USP8: variants seen among roughly 807,000 people sequenced by gnomAD.
The protein encoded by USP8 is ubiquitin carboxyl-terminal hydrolase 8.
USP8 carries 27 observed loss-of-function variants against 130.0 expected under a neutral mutation model. That is an observed-to-expected ratio of 0.21 (90% CI 0.15 to 0.29). The LOEUF (loss-of-function observed/expected upper bound fraction) is 0.29. USP8 is among the 10% of genes least tolerant of loss of function. The pLI is 1.00. For synonymous variants in USP8, 392 were observed against 444.1 expected, an observed-to-expected ratio of 0.88 and a Z score of 1.48; for missense variants, 1,029 against 1,312.2, an observed-to-expected ratio of 0.78 and a Z score of 3.33.
chr15:50,467,053 G>T lies in USP8; in HGVS notation c.686+1862G>T. 3 of 596,188 alleles carry T rather than the reference G, an allele frequency of 5.0e-6. No homozygotes were observed. In the South Asian group the frequency reaches 9.9e-5, roughly 20 times the overall value. The allele number at this position is 596,188 out of a possible 1,614,324, so 36.9% of individuals were successfully genotyped here. On this transcript the variant is annotated intron_variant, in intron 7 of 19. Transcript: ENST00000307179. ...ATTGTTAAGCAGATTACTTCCATCA[G>T]TACTGAGCCAGGAGTTGAGGTGGAA...
intron 6 of USP8, chr15:50,463,429 G>A (rs1414316892): frequency 1.3e-5 from 2 of 152,206 alleles, no homozygotes; most frequent in Non-Finnish European, 2.9e-5. Context: ...GCGAAGCAGG[G>A]TCAGGCCTGG....
At position 50,471,769 on chromosome 15, in the gene USP8, C is replaced by T. The variant is rs752682936; in HGVS notation, c.823C>T (p.Arg275Trp). The T allele has an allele frequency of 6.8e-6, 11 of 1,613,770 alleles. No homozygotes were observed. Among genetic ancestry groups the T allele is most frequent in the East Asian group, 6.7e-5 (3 of 44,868 alleles). Residue 275 changes from arginine (R) to tryptophan (W), a missense_variant, in exon 8 of 20, where the codon CGG (arginine) becomes TGG (tryptophan). Transcript: ENST00000307179. Reference protein sequence around the residue: ...AKDLQIGTTLRSLKDALFKWE... With the variant: ...AKDLQIGTTLWSLKDALFKWE... ...AGATTTACAGATTGGAACAACTCTC[C>T]GGAGTCTGAAAGATGCACTTTTCAA...
chr15:50,494,966 G>A (rs2052318285), intron 16 of USP8, among the ~76,000 whole-genome samples: 1 of 149,492 alleles, frequency 6.7e-6, no homozygotes, highest in Admixed American at 6.7e-5. Context: ...AGTGAGCCGA[G>A]ATTGCAGTGA....
rs1453871623 is a variant in USP8, at chr15:50,499,795, T to TTCTG, written c.*711_*714dup. ...AAAATAATTTATAACCCTGTGGGTG[T>TTCTG]TCTGTCTTTAATATTGTATTATCAA... On this transcript the variant is annotated 3_prime_UTR_variant, in exon 20 of 20. Coordinates refer to ENST00000307179, the MANE Select transcript of USP8 (RefSeq NM_005154.5). 1.3e-5 allele frequency: 2 copies of TTCTG among 152,176 alleles called. No homozygotes were observed. The highest frequency in any genetic ancestry group is 4.8e-5 in the African/African-American group (2 of 41,450). 9.4% of individuals were successfully genotyped at this position (152,176 alleles called of 1,614,324 possible). A position where few individuals can be genotyped will look rare whatever the true frequency, so the allele number is the denominator to read the frequency against.
At chr15:50,453,255 C>G (rs1002143158) in intron 4 of USP8, among the ~76,000 whole-genome samples, 1 of 152,182 alleles carries the variant, frequency 6.6e-6, no homozygotes, top group African/African-American at 2.4e-5. Flanking sequence ...TTCTTTTCTC[C>G]TCTCACATCT....
rs111740431 is a variant in USP8, at chr15:50,452,956, C to T, written c.335+3471C>T. 3.6e-3 allele frequency among the ~76,000 whole-genome samples: 542 copies of T among 152,282 alleles called. 5 individuals carry two copies. Among genetic ancestry groups the T allele is most frequent in the African/African-American group, 0.012 (513 of 41,556 alleles). ...AAGGTAAAACAGTTGCATAATTTTGCTCTTGTTCCAAATCTTTCACTTCTG... is the reference window on the plus strand; with the variant it reads ...AAGGTAAAACAGTTGCATAATTTTGTTCTTGTTCCAAATCTTTCACTTCTG... On this transcript the variant is annotated intron_variant, in intron 4 of 19. Coordinates refer to ENST00000307179, the MANE Select transcript of USP8 (RefSeq NM_005154.5).
chr15:50,429,304 G>GTT (rs34348433), intron 1 of USP8, among the ~76,000 whole-genome samples: 7,130 of 120,832 alleles, frequency 0.059, 371 homozygotes, highest in African/African-American at 0.13. Context: ...TCCTGGAGGT[G>GTT]TTTTTTTTTT....
At chr15:50,476,749 AT>A (rs2141298329) in intron 8 of USP8, 99 bp from the exon 9 acceptor site, 1 of 1,303,634 alleles carries the variant, frequency 7.7e-7, no homozygotes, top group South Asian at 1.9e-5. Flanking sequence ...TAGAAGATAA[AT>A]TTTGTCCTTA....
At position 50,508,627 on chromosome 15, in the gene USP8, T is replaced by C. The variant is rs1184366222; in HGVS notation, c.*9539T>C. The C allele has an allele frequency of 6.6e-6, 1 of 151,878 alleles. No individual in the cohort carries two copies. Among genetic ancestry groups the C allele is most frequent in the Non-Finnish European group, 1.5e-5 (1 of 68,014 alleles). The allele number at this position is 151,878 out of a possible 1,614,324, so 9.4% of individuals were successfully genotyped here. On this transcript the variant is annotated 3_prime_UTR_variant, in exon 20 of 20. Coordinates refer to ENST00000307179, the MANE Select transcript of USP8 (RefSeq NM_005154.5). ...GGAAGAGATAACACTGTAAGAGGAA[T>C]AACCCATAAAGCAGAAAACAAAGAT...
chr15:50,489,917 G>C, intron 13 of USP8, 36 bp downstream of exon 13: 1 of 1,480,748 alleles, frequency 6.8e-7, no homozygotes, highest in Non-Finnish European at 9.1e-7. Flanking sequence ...TAGCCACTGT[G>C]TTCCTAAAAA....
intron 15 of USP8, 198 bp from the exon 16 acceptor site, chr15:50,493,872 G>A (rs1312566174): frequency 1.3e-6 from 1 of 744,172 alleles, no homozygotes. Context: ...AGGGCTTGCA[G>A]CCAAAAGAAG....
intron 1 of USP8, among the ~76,000 whole-genome samples, chr15:50,429,418 G>C (rs940836740): frequency 2.6e-5 from 4 of 151,166 alleles, no homozygotes; most frequent in Non-Finnish European, 4.4e-5. Flanking sequence ...GCTGATTTCA[G>C]CTGGAAACAA....
At chr15:50,465,574 C>A (rs1365578030) in intron 7 of USP8, among the ~76,000 whole-genome samples, 1 of 152,126 alleles carries the variant, frequency 6.6e-6, no homozygotes, top group Non-Finnish European at 1.5e-5. Flanking sequence ...AGAATCTTAT[C>A]AAAAGAGAAA....
Position 50,441,501 on chromosome 15 carries a change from T to C in USP8, c.249+8T>C. The C allele has an allele frequency of 1.3e-6, 2 of 1,548,252 alleles. No individual in the cohort carries two copies. Among genetic ancestry groups the C allele is most frequent in the South Asian group, 1.2e-5 (1 of 80,594 alleles). The stretch of plus-strand genomic sequence containing the variant: ...GATTTCAAGCAACAGCAGGTACCTT[T>C]TATTTTTGCATTGTTATTTCCTAAG... On this transcript the variant is annotated splice_region_variant and intron_variant, in intron 3 of 19. Coordinates refer to ENST00000307179, the MANE Select transcript of USP8 (RefSeq NM_005154.5).
Position 50,498,645 on chromosome 15 carries a change from T to C in USP8, c.3088T>C (p.Phe1030Leu). The C allele has an allele frequency of 1.2e-6, 2 of 1,612,994 alleles. No individual in the cohort carries two copies. The highest frequency in any genetic ancestry group is 1.7e-6 in the Non-Finnish European group (2 of 1,179,620). Reference sequence around the variant, plus strand: ...ACAAAAATTACAGACATCTGTGGACTTCCCGTTAGAAAATCTTGACTTGTC... The same window carrying C: ...ACAAAAATTACAGACATCTGTGGACCTCCCGTTAGAAAATCTTGACTTGTC... ...WKQKLQTSVD[F>L]PLENLDLSQY... Residue 1030 changes from phenylalanine (F) to leucine (L), a missense_variant, in exon 19 of 20, where the codon TTC becomes CTC. Coordinates refer to ENST00000307179, the MANE Select transcript of USP8 (RefSeq NM_005154.5).
intron 1 of USP8, among the ~76,000 whole-genome samples, chr15:50,425,744 CAAA>C (rs1276500642): frequency 1.3e-5 from 2 of 152,044 alleles, no homozygotes; most frequent in East Asian, 1.9e-4. Flanking sequence ...GAAAAACTAA[CAAA>C]AATGTTTTAA....
At chr15:50,489,689 GT>G in intron 12 of USP8, 111 bp from the exon 13 acceptor site, 2 of 643,642 alleles carry the variant, frequency 3.1e-6, no homozygotes, top group Non-Finnish European at 4.7e-6. Flanking sequence ...CCAAGGCAAG[GT>G]TTTTTGATTC....
intron 1 of USP8, among the ~76,000 whole-genome samples, chr15:50,429,096 A>G (rs1380338664): frequency 2.0e-5 from 3 of 152,186 alleles, no homozygotes; most frequent in Non-Finnish European, 4.4e-5. Context: ...GGAATTTTTT[A>G]TTTAATATTC....
At chr15:50,426,094 C>T (rs1002282643) in intron 1 of USP8, among the ~76,000 whole-genome samples, 2 of 152,278 alleles carry the variant, frequency 1.3e-5, no homozygotes, top group African/African-American at 4.8e-5. Flanking sequence ...GCACTCCAGC[C>T]TGGGTGACAA....
Sources: allele counts gnomAD v4.1 joint callset (sites outside exome capture counted in the v4.1 genomes callset), GRCh38; gene constraint gnomAD v4.1.1; transcripts MANE v1.5; gene names NCBI Gene and HGNC (gene_info 2026-07-23, HGNC 2026-07-21).